MTMR9: variants seen among roughly 807,000 people sequenced by gnomAD.
MTMR9 encodes myotubularin related protein 9.
Under a neutral mutation model 69.5 loss-of-function variants are expected in MTMR9, and 39 were observed. That is an observed-to-expected ratio of 0.56 (90% CI 0.43 to 0.73). The LOEUF (loss-of-function observed/expected upper bound fraction) is 0.73. Among genes scored for constraint, MTMR9 ranks in the 30% least tolerant of loss-of-function variants. The pLI is 0.00. For missense variants in MTMR9, 900 were observed against 671.2 expected (o/e 1.34, Z -3.77); for synonymous variants, 354 against 240.8 (o/e 1.47, Z -4.35).
At chr8:11,296,050 A>T (rs1035174916) in intron 2 of MTMR9, among the ~76,000 whole-genome samples, 1 of 152,036 alleles carries the variant, frequency 6.6e-6, no homozygotes, top group Non-Finnish European at 1.5e-5. Context: ...AGTTCTAAAA[A>T]TTTGAATAGA....
At chr8:11,332,290 A>G, downstream of MTMR9, 3 of 1,146,664 alleles carry the variant, frequency 2.6e-6, no homozygotes, top group Admixed American at 1.0e-4. Context: ...AGTTATAATA[A>G]AAATATCACA....
At chr8:11,302,045 T>C (rs1289338090) in intron 3 of MTMR9, among the ~76,000 whole-genome samples, 1 of 151,662 alleles carries the variant, frequency 6.6e-6, no homozygotes, top group African/African-American at 2.4e-5. Context: ...TCACTTGAGC[T>C]CAGGAGAGTT....
rs1799888343 is a variant in MTMR9, at chr8:11,305,028, A to G, written c.591+14A>G. The stretch of plus-strand genomic sequence containing the variant: ...AAAAATGGGATGGTAAGTGCACAGC[A>G]CTACTGCTTGATGTACTGAAAGGCT... On this transcript the variant is annotated intron_variant, in intron 4 of 9. Coordinates refer to ENST00000221086, the MANE Select transcript of MTMR9 (RefSeq NM_015458.4). The G allele has an allele frequency of 1.2e-6, 2 of 1,611,288 alleles. No homozygotes were observed. The highest frequency in any genetic ancestry group is 2.2e-5 in the South Asian group (2 of 90,836).
intron 9 of MTMR9, among the ~76,000 whole-genome samples, chr8:11,322,183 C>A (rs1251168284): frequency 6.6e-6 from 1 of 152,160 alleles, no homozygotes; most frequent in Non-Finnish European, 1.5e-5. Flanking sequence ...TCTGCTTTTA[C>A]TGTAGTTGTC....
At chr8:11,314,530 A>T (rs1040578653) in intron 6 of MTMR9, among the ~76,000 whole-genome samples, 1 of 152,228 alleles carries the variant, frequency 6.6e-6, no homozygotes, top group Non-Finnish European at 1.5e-5. Context: ...GTATGTCTAT[A>T]GTTTTGATGA....
intron 7 of MTMR9, 52 bp from the exon 8 acceptor site, chr8:11,316,621 T>G: frequency 2.4e-6 from 3 of 1,249,018 alleles, no homozygotes; most frequent in African/African-American, 3.0e-5. Flanking sequence ...TAGAATGCTC[T>G]GTCATGTGAT....
downstream of MTMR9, chr8:11,332,336 C>T (rs1172634602): frequency 1.1e-6 from 1 of 877,326 alleles, no homozygotes; most frequent in Non-Finnish European, 1.6e-6. Context: ...GGCTTATTTA[C>T]AGGAATAAAA....
chr8:11,321,595 C>G lies in MTMR9; in HGVS notation c.1487-1030C>G, dbSNP rs560063225. 1.2e-5 allele frequency: 5 copies of G among 431,210 alleles called. No homozygotes were observed. In the East Asian group the frequency reaches 2.9e-4, roughly 25 times the overall value. 26.7% of individuals were successfully genotyped at this position (431,210 alleles called of 1,614,324 possible). A position where few individuals can be genotyped will look rare whatever the true frequency, so the allele number is the denominator to read the frequency against. ...CAGTGTGTGTTTCATGCTCCTCAACCTAGAGCTGGGAGAAGAAGAAGCTCT... is the reference window on the plus strand; with the variant it reads ...CAGTGTGTGTTTCATGCTCCTCAACGTAGAGCTGGGAGAAGAAGAAGCTCT... On this transcript the variant is annotated intron_variant, in intron 9 of 9. Coordinates refer to ENST00000221086, the MANE Select transcript of MTMR9 (RefSeq NM_015458.4).
At chr8:11,321,507 TTA>T (rs1324374615) in intron 9 of MTMR9, 3 of 456,762 alleles carry the variant, frequency 6.6e-6, no homozygotes, top group Admixed American at 4.7e-5. Context: ...CTTGTGGAGC[TTA>T]GAGATAAGTG....
At position 11,285,566 on chromosome 8, in the gene MTMR9, C is replaced by T. The variant is rs570276673; in HGVS notation, c.182+496C>T. Reference sequence around the variant, plus strand: ...AGTGTATCATATTATTTCTTACCTTCTGGGTCATCAAAATTTAATTCTCAC... The same window carrying T: ...AGTGTATCATATTATTTCTTACCTTTTGGGTCATCAAAATTTAATTCTCAC... On this transcript the variant is annotated intron_variant, in intron 1 of 9. Coordinates refer to ENST00000221086, the MANE Select transcript of MTMR9 (RefSeq NM_015458.4). Among the ~76,000 whole-genome samples the T allele has an allele frequency of 1.9e-4, 29 of 152,254 alleles. 1 individual carries two copies. In the South Asian group the frequency reaches 6.0e-3, roughly 32 times the overall value.
chr8:11,329,802 G>T (rs1031205805), downstream of MTMR9, among the ~76,000 whole-genome samples: 1 of 151,428 alleles, frequency 6.6e-6, no homozygotes, highest in Non-Finnish European at 1.5e-5. Flanking sequence ...GAGCCCCTCT[G>T]CCCGGCTGCC....
chr8:11,287,066 A>C (rs1322834007), intron 1 of MTMR9, among the ~76,000 whole-genome samples: 1 of 152,236 alleles, frequency 6.6e-6, no homozygotes, highest in Non-Finnish European at 1.5e-5. Flanking sequence ...TGAGCCTGTT[A>C]CCTGTCTATG....
At chr8:11,308,659 T>G (rs995791042) in intron 5 of MTMR9, among the ~76,000 whole-genome samples, 3 of 152,258 alleles carry the variant, frequency 2.0e-5, no homozygotes, top group East Asian at 1.9e-4. Flanking sequence ...TAGTCTCTTA[T>G]GATCCCTTGT....
chr8:11,310,612 A>T (rs1199562079), intron 6 of MTMR9, among the ~76,000 whole-genome samples: 5 of 152,120 alleles, frequency 3.3e-5, no homozygotes, highest in Non-Finnish European at 5.9e-5. Context: ...GCGTTAGGTG[A>T]AGCCCATTTA....
chr8:11,305,093 C>T, intron 4 of MTMR9, 79 bp downstream of exon 4: 1 of 1,377,542 alleles, frequency 7.3e-7, no homozygotes, highest in Non-Finnish European at 1.0e-6. Context: ...CCCTTTTGCT[C>T]TCTGTCTGTT....
chr8:11,316,828 C>T lies in MTMR9; in HGVS notation c.1269C>T (p.Ile423=). 1 of 1,613,824 alleles carries T rather than the reference C, an allele frequency of 6.2e-7. No homozygotes were observed. The highest frequency in any genetic ancestry group is 8.5e-7 in the Non-Finnish European group (1 of 1,179,862). Residue 423 remains isoleucine, a synonymous_variant, in exon 8 of 10, where the codon ATC becomes ATT. Transcript: ENST00000221086. ...CSFEFNENFL[I]MLFEHAYASQ... ...TTGAGTTTAATGAGAATTTCCTCATCATGCTCTTTGAGCATGCTTATGCCT... is the reference window on the plus strand; with the variant it reads ...TTGAGTTTAATGAGAATTTCCTCATTATGCTCTTTGAGCATGCTTATGCCT...
rs189519161 is a variant in MTMR9, at chr8:11,325,563, C to A, written c.*2775C>A. The A allele has an allele frequency of 6.6e-6, 1 of 151,810 alleles. No individual in the cohort carries two copies. Among genetic ancestry groups the A allele is most frequent in the African/African-American group, 2.4e-5 (1 of 41,314 alleles). 9.4% of individuals were successfully genotyped at this position (151,810 alleles called of 1,614,324 possible). A position where few individuals can be genotyped will look rare whatever the true frequency, so the allele number is the denominator to read the frequency against. ...AAAGCTGGTTTTTATACAGGAGATACGTAAAGTAGGCCCCACAAATAATAT... is the reference window on the plus strand; with the variant it reads ...AAAGCTGGTTTTTATACAGGAGATAAGTAAAGTAGGCCCCACAAATAATAT... On this transcript the variant is annotated 3_prime_UTR_variant, in exon 10 of 10. Transcript: ENST00000221086.
intron 3 of MTMR9, among the ~76,000 whole-genome samples, chr8:11,303,913 T>C (rs1413630088): frequency 6.6e-6 from 1 of 152,248 alleles, no homozygotes; most frequent in Non-Finnish European, 1.5e-5. Flanking sequence ...ATACTGTATC[T>C]TATAAAAGCA....
intron 3 of MTMR9, among the ~76,000 whole-genome samples, chr8:11,303,253 A>G (rs1799815780): frequency 6.6e-6 from 1 of 150,524 alleles, no homozygotes; most frequent in Non-Finnish European, 1.5e-5. Flanking sequence ...GACGGGATGG[A>G]GAGCACAGTA....
Sources: gnomAD v4.1 joint callset for allele counts (sites outside exome capture counted in the v4.1 genomes callset) on GRCh38, gnomAD v4.1.1 for gene constraint, MANE v1.5 for transcripts, NCBI Gene and HGNC (gene_info 2026-07-23, HGNC 2026-07-21) for gene names.